SNX8: variants seen among roughly 807,000 people sequenced by gnomAD.
SNX8 encodes the protein sorting nexin 8, also known as sorting nexin-8.
Under a neutral mutation model 51.6 loss-of-function variants are expected in SNX8, and 25 were observed. The observed-to-expected ratio is 0.48, with a 90% confidence interval of 0.35 to 0.68. The LOEUF (loss-of-function observed/expected upper bound fraction) is 0.68, where lower values mean the gene tolerates loss of function less well. Ranked by LOEUF, SNX8 falls within the 30% of genes least tolerant of loss-of-function variation. The pLI is 0.00. For missense variants in SNX8, 695 were observed against 624.0 expected, an observed-to-expected ratio of 1.11 and a Z score of -1.21; for synonymous variants, 324 against 277.0, an observed-to-expected ratio of 1.17 and a Z score of -1.68.
At chr7:2,265,615 A>C (rs1048562720) in intron 5 of SNX8, among the ~76,000 whole-genome samples, 4 of 152,210 alleles carry the variant, frequency 2.6e-5, no homozygotes, top group Non-Finnish European at 5.9e-5. Flanking sequence ...ACTGCACTCC[A>C]GCCTGGGGAC....
In SNX8 at chr7:2,252,031, G is replaced by C. The variant is rs1292275842; in HGVS notation, c.*3025C>G. 2.6e-5 allele frequency: 4 copies of C among 152,242 alleles called. No individual in the cohort carries two copies. Among genetic ancestry groups the C allele is most frequent in the Non-Finnish European group, 5.9e-5 (4 of 68,062 alleles). The allele number at this position is 152,242 out of a possible 1,614,324, so 9.4% of individuals were successfully genotyped here. The stretch of plus-strand genomic sequence containing the variant: ...CACTGTGTCCGGCAGACAAAGGGCA[G>C]CTGTCTGCACGGTGACCCCGAGTAC... On this transcript the variant is annotated 3_prime_UTR_variant, in exon 11 of 11. Transcript: ENST00000222990.
intron 1 of SNX8, among the ~76,000 whole-genome samples, chr7:2,301,276 G>A (rs139650468): frequency 1.3e-5 from 2 of 152,194 alleles, no homozygotes; most frequent in Non-Finnish European, 2.9e-5. Flanking sequence ...TCATGTCCCA[G>A]CTGCAGCCCC....
At chr7:2,305,689 A>T (rs1485214206) in intron 1 of SNX8, among the ~76,000 whole-genome samples, 1 of 151,798 alleles carries the variant, frequency 6.6e-6, no homozygotes, top group African/African-American at 2.4e-5. Flanking sequence ...TGTATTATTA[A>T]ATACTTTACA....
chr7:2,255,148 G>C lies in SNX8; in HGVS notation c.1306C>G (p.Leu436Val). 2.6e-6 allele frequency: 4 copies of C among 1,567,288 alleles called. No homozygotes were observed. Among genetic ancestry groups the C allele is most frequent in the Non-Finnish European group, 3.5e-6 (4 of 1,155,602 alleles). The change falls in exon 11 of 11, where the codon CTG (leucine) becomes GTG (valine). Residue 436 changes from leucine (L) to valine (V), a missense_variant. By Grantham distance (32) the Leu-to-Val change is conservative. Transcript: ENST00000222990. ...HKEMSKVWND[L>V]RPKLSCLFAG... ...AAGAGGCAGCTGAGCTTGGGCCTCA[G>C]GTCGTTCCACACCTTGCTCATCTGA...
chr7:2,261,937 GCA>G (rs1280442553), intron 7 of SNX8, among the ~76,000 whole-genome samples: 3 of 152,232 alleles, frequency 2.0e-5, no homozygotes, highest in Non-Finnish European at 4.4e-5. Flanking sequence ...GCCCTCACGG[GCA>G]CACTCTGATC....
intron 1 of SNX8, chr7:2,309,760 A>ACAG (rs1469557381): frequency 6.4e-6 from 3 of 465,182 alleles, no homozygotes; most frequent in African/African-American, 4.0e-5. Context: ...ACTTTAAGTG[A>ACAG]CAGCGCAATG....
At chr7:2,256,741 G>T (rs1168365787) in intron 10 of SNX8, 133 bp downstream of exon 10, 5 of 798,556 alleles carry the variant, frequency 6.3e-6, no homozygotes, top group Non-Finnish European at 9.5e-6. Flanking sequence ...GTGTTCCAAG[G>T]CCCATGCGGA....
At chr7:2,262,521 T>C (rs1242271416) in intron 7 of SNX8, among the ~76,000 whole-genome samples, 1 of 122,590 alleles carries the variant, frequency 8.2e-6, no homozygotes, top group East Asian at 2.4e-4. Flanking sequence ...TGGGAGCCGC[T>C]CAGGTGCTGG....
intron 1 of SNX8, chr7:2,307,975 T>C (rs1299789217): frequency 6.6e-6 from 1 of 151,406 alleles, no homozygotes; most frequent in African/African-American, 2.4e-5. Context: ...AAATCTGTTC[T>C]ACATAACAGT....
At chr7:2,330,407 G>C (rs1190975717) in intron 1 of SNX8, among the ~76,000 whole-genome samples, 1 of 152,084 alleles carries the variant, frequency 6.6e-6, no homozygotes, top group Non-Finnish European at 1.5e-5. Context: ...AAAGTGCTGG[G>C]ATTACAGGTG....
In SNX8 at chr7:2,305,110, C is replaced by CA. The variant is rs201043808; in HGVS notation, c.94+9217dup. On this transcript the variant is annotated intron_variant, in intron 1 of 10. Transcript: ENST00000222990. ...GGGTCACCGAAACAGCTGGACTCAA[C>CA]AGAGCACCGGGCTGAGCCAGCAGCA... 9.8e-3 allele frequency among the ~76,000 whole-genome samples: 1,499 copies of CA among 152,270 alleles called. 17 individuals carry two copies. The highest frequency in any genetic ancestry group is 0.028 in the African/African-American group (1,178 of 41,540).
At chr7:2,315,080 T>G (rs561605672), upstream of SNX8, among the ~76,000 whole-genome samples, 2 of 150,502 alleles carry the variant, frequency 1.3e-5, no homozygotes, top group African/African-American at 4.9e-5. Flanking sequence ...ACTCACTCAC[T>G]GCATCCTACA....
At chr7:2,296,329 G>A (rs1384594490) in intron 1 of SNX8, among the ~76,000 whole-genome samples, 1 of 151,914 alleles carries the variant, frequency 6.6e-6, no homozygotes, top group Non-Finnish European at 1.5e-5. Flanking sequence ...TTTGGTTGTT[G>A]TTATTGTAGC....
At chr7:2,331,879 CA>C (rs957603157) in intron 1 of SNX8, among the ~76,000 whole-genome samples, 5 of 150,266 alleles carry the variant, frequency 3.3e-5, no homozygotes, top group Non-Finnish European at 1.5e-5. Flanking sequence ...GATTCTGTCT[CA>C]AAAAAAAGAA....
chr7:2,318,735 G>A (rs1022618114), upstream of SNX8, among the ~76,000 whole-genome samples: 1 of 151,726 alleles, frequency 6.6e-6, no homozygotes, highest in Non-Finnish European at 1.5e-5. Flanking sequence ...TACTCAGCTG[G>A]GCACAGTGGC....
At chr7:2,286,405 T>G (rs1233221086) in intron 1 of SNX8, among the ~76,000 whole-genome samples, 2 of 152,162 alleles carry the variant, frequency 1.3e-5, no homozygotes, top group African/African-American at 4.8e-5. Context: ...GATGTAACAT[T>G]AAGATATTTT....
intron 9 of SNX8, 59 bp downstream of exon 9, chr7:2,257,306 C>A: frequency 6.4e-7 from 1 of 1,558,900 alleles, no homozygotes; most frequent in Non-Finnish European, 8.6e-7. Context: ...GCTCCGGGTC[C>A]CACCATGGCC....
intron 1 of SNX8, among the ~76,000 whole-genome samples, chr7:2,337,847 T>A (rs1490488542): frequency 8.9e-6 from 1 of 112,620 alleles, no homozygotes; most frequent in African/African-American, 3.1e-5. Flanking sequence ...TAAAAGGATA[T>A]CTTGTAAAAA....
chr7:2,272,671 C>T (rs183198060), intron 3 of SNX8, among the ~76,000 whole-genome samples: 9 of 152,034 alleles, frequency 5.9e-5, no homozygotes, highest in African/African-American at 1.4e-4. Context: ...CCACCGCGCC[C>T]GGCCGAGTTT....
Sources: gnomAD v4.1 joint callset for allele counts (sites outside exome capture counted in the v4.1 genomes callset) on GRCh38, gnomAD v4.1.1 for gene constraint, MANE v1.5 for transcripts, NCBI Gene and HGNC (gene_info 2026-07-23, HGNC 2026-07-21) for gene names.